Variants in CTNNA3 observed in about 807,000 individuals in gnomAD.
CTNNA3 encodes the protein catenin alpha 3.
Under a neutral mutation model 95.7 loss-of-function variants are expected in CTNNA3, and 76 were observed. The ratio of observed to expected loss-of-function variants is 0.79; its 90% confidence interval spans 0.66 to 0.96. The LOEUF is 0.96. Ranked by LOEUF, CTNNA3 falls within the 40% of genes least tolerant of loss-of-function variation. The pLI is 0.00. For missense variants in CTNNA3, 1,191 were observed against 1,089.8 expected (o/e 1.09, Z -1.31); for synonymous variants, 431 against 374.4 (o/e 1.15, Z -1.74).
intron 5 of CTNNA3, among the ~76,000 whole-genome samples, chr10:67,463,200 C>T (rs953457959): frequency 5.9e-5 from 9 of 152,018 alleles, no homozygotes; most frequent in Admixed American, 2.0e-4. Context: ...CCACCACACC[C>T]GACCTCTGTA....
intron 12 of CTNNA3, among the ~76,000 whole-genome samples, chr10:66,355,812 T>C (rs2092604493): frequency 6.6e-6 from 1 of 152,044 alleles, no homozygotes; most frequent in Non-Finnish European, 1.5e-5. Flanking sequence ...TCCTATGTTT[T>C]CTTTTAAGAG....
At chr10:67,739,734 A>G (rs574926160) in intron 1 of CTNNA3, among the ~76,000 whole-genome samples, 1 of 152,308 alleles carries the variant, frequency 6.6e-6, no homozygotes, top group South Asian at 2.1e-4. Flanking sequence ...CATACTGCCC[A>G]AGGTAATTTA....
intron 15 of CTNNA3, among the ~76,000 whole-genome samples, chr10:66,038,672 A>C (rs1386057059): frequency 6.6e-6 from 1 of 152,208 alleles, no homozygotes; most frequent in Non-Finnish European, 1.5e-5. Context: ...CTTTAAAAAA[A>C]TGCAAATTAT....
intron 9 of CTNNA3, among the ~76,000 whole-genome samples, chr10:66,626,458 A>C (rs184803799): frequency 6.6e-6 from 1 of 152,278 alleles, no homozygotes; most frequent in East Asian, 1.9e-4. Flanking sequence ...GCATTTTCCC[A>C]TCTGGCAATT....
At chr10:66,722,377 CA>C (rs34164580) in intron 9 of CTNNA3, among the ~76,000 whole-genome samples, 88,030 of 137,356 alleles carry the variant, frequency 0.64, 26,900 homozygotes, top group Admixed American at 0.72. Flanking sequence ...GACCCTGTCT[CA>C]AAAAAAAAAA....
At chr10:66,669,494 AT>A (rs1299014162) in intron 9 of CTNNA3, among the ~76,000 whole-genome samples, 1 of 151,654 alleles carries the variant, frequency 6.6e-6, no homozygotes, top group Non-Finnish European at 1.5e-5. Flanking sequence ...GTGAGCCGAG[AT>A]CACACCACTG....
intron 7 of CTNNA3, among the ~76,000 whole-genome samples, chr10:66,898,718 A>C (rs1406302426): frequency 6.6e-6 from 1 of 152,214 alleles, no homozygotes; most frequent in African/African-American, 2.4e-5. Context: ...AATAGATTAC[A>C]GATTTACATG....
At chr10:66,463,814 C>T (rs1054476145) in intron 11 of CTNNA3, among the ~76,000 whole-genome samples, 2 of 151,770 alleles carry the variant, frequency 1.3e-5, no homozygotes, top group Non-Finnish European at 2.9e-5. Flanking sequence ...AGCTTAAAGT[C>T]AGAACAGAGA....
chr10:65,938,941 C>T (rs924005778), intron 17 of CTNNA3, among the ~76,000 whole-genome samples: 9 of 151,364 alleles, frequency 5.9e-5, no homozygotes, highest in Admixed American at 2.0e-4. Flanking sequence ...CTCGCTCTGT[C>T]GCCCAGGCTG....
intron 3 of CTNNA3, among the ~76,000 whole-genome samples, chr10:67,557,073 GT>G (rs1447977858): frequency 6.6e-6 from 1 of 152,176 alleles, no homozygotes; most frequent in Non-Finnish European, 1.5e-5. Context: ...TTTTGAGTTA[GT>G]TTCTTAATCC....
At chr10:66,041,981 C>T (rs147401298) in intron 15 of CTNNA3, among the ~76,000 whole-genome samples, 61 of 152,316 alleles carry the variant, frequency 4.0e-4, no homozygotes, top group African/African-American at 1.4e-3. Flanking sequence ...TACAGTGTGA[C>T]CCTTCCCTGT....
intron 1 of CTNNA3, among the ~76,000 whole-genome samples, chr10:67,740,611 A>G (rs1457053786): frequency 2.0e-5 from 3 of 151,628 alleles, no homozygotes; most frequent in South Asian, 4.2e-4. Flanking sequence ...ACAATGAGAT[A>G]TCATCTCACA....
chr10:66,093,175 A>ACTTTAATTTTT (rs1488329441), intron 14 of CTNNA3, among the ~76,000 whole-genome samples: 1 of 151,994 alleles, frequency 6.6e-6, no homozygotes, highest in Non-Finnish European at 1.5e-5. Context: ...AGTGTTTTAA[A>ACTTTAATTTTT]CTTTAATTTT....
chr10:66,605,522 T>C (rs1844088723), intron 10 of CTNNA3, among the ~76,000 whole-genome samples: 1 of 151,972 alleles, frequency 6.6e-6, no homozygotes, highest in African/African-American at 2.4e-5. Flanking sequence ...TTCCTCAAGG[T>C]CAAAATGAAA....
intron 3 of CTNNA3, among the ~76,000 whole-genome samples, chr10:67,562,671 T>A (rs990829661): frequency 1.3e-5 from 2 of 152,148 alleles, no homozygotes; most frequent in African/African-American, 2.4e-5. Context: ...ATAAAGGGTA[T>A]TCAATTAGGA....
chr10:67,261,919 GAT>G (rs1866627606), intron 5 of CTNNA3, among the ~76,000 whole-genome samples: 1 of 151,980 alleles, frequency 6.6e-6, no homozygotes, highest in Non-Finnish European at 1.5e-5. Context: ...AAATAAGTTG[GAT>G]ATGTTTTTTA....
At chr10:67,373,854 A>C (rs1843584145) in intron 5 of CTNNA3, among the ~76,000 whole-genome samples, 1 of 152,048 alleles carries the variant, frequency 6.6e-6, no homozygotes, top group Non-Finnish European at 1.5e-5. Context: ...GTCAAGGGAA[A>C]CTTCACTGTA....
intron 7 of CTNNA3, among the ~76,000 whole-genome samples, chr10:67,014,495 C>G (rs1276332870): frequency 6.6e-6 from 1 of 152,068 alleles, no homozygotes; most frequent in African/African-American, 2.4e-5. Context: ...TTCTTCTAGA[C>G]AAAATTAGTT....
chr10:66,481,698 C>T (rs1355028130), intron 11 of CTNNA3, among the ~76,000 whole-genome samples: 2 of 134,524 alleles, frequency 1.5e-5, no homozygotes, highest in Non-Finnish European at 3.0e-5. Flanking sequence ...GTCTCGATCT[C>T]CTGACCTCGT....
Sources: gnomAD v4.1 joint callset for allele counts (sites outside exome capture counted in the v4.1 genomes callset) on GRCh38, gnomAD v4.1.1 for gene constraint, MANE v1.5 for transcripts, NCBI Gene and HGNC (gene_info 2026-07-23, HGNC 2026-07-21) for gene names.